CACHD1: variants seen among roughly 807,000 people sequenced by gnomAD.
The protein encoded by CACHD1 is cache domain containing 1.
Under a neutral mutation model 138.7 loss-of-function variants are expected in CACHD1, and 71 were observed. That is an observed-to-expected ratio of 0.51 (90% CI 0.42 to 0.62). CACHD1 has a LOEUF of 0.62. CACHD1 is among the 20% of genes least tolerant of loss of function. CACHD1 has a pLI of 0.00. For missense variants in CACHD1, 1,389 were observed against 1,625.3 expected, an observed-to-expected ratio of 0.85 and a Z score of 2.50; for synonymous variants, 578 against 591.5, an observed-to-expected ratio of 0.98 and a Z score of 0.33.
chr1:64,681,543 T>TTTTTTTTG (rs1553146863), intron 25 of CACHD1, among the ~76,000 whole-genome samples: 5,248 of 100,950 alleles, frequency 0.052, 326 homozygotes, highest in East Asian at 0.25. Context: ...TTTATTGTGT[T>TTTTTTTTG]TTTTTTTTTT....
At chr1:64,634,382 T>TTATG (rs1467686396) in intron 7 of CACHD1, 122 bp downstream of exon 7, 6 of 354,960 alleles carry the variant, frequency 1.7e-5, no homozygotes, top group South Asian at 8.1e-5. Flanking sequence ...ATGTATGTAT[T>TTATG]TATTTATTTA....
At chr1:64,595,428 TATAAATAA>T (rs1371299166) in intron 3 of CACHD1, among the ~76,000 whole-genome samples, 2 of 152,130 alleles carry the variant, frequency 1.3e-5, no homozygotes, top group Non-Finnish European at 2.9e-5. Flanking sequence ...GAGAAGGGTA[TATAAATAA>T]ATAACTGTAA....
At chr1:64,564,406 GC>G (rs1242936916) in intron 2 of CACHD1, among the ~76,000 whole-genome samples, 1 of 152,002 alleles carries the variant, frequency 6.6e-6, no homozygotes, top group East Asian at 1.9e-4. Context: ...GAAGCCCCAA[GC>G]CCTGATGCCT....
At chr1:64,471,286 A>C (rs1051940339) in intron 1 of CACHD1, among the ~76,000 whole-genome samples, 1 of 151,948 alleles carries the variant, frequency 6.6e-6, no homozygotes, top group Non-Finnish European at 1.5e-5. Context: ...CACATTTCCC[A>C]TGTAGGCTTG....
chr1:64,660,791 A>C (rs1434200742), intron 13 of CACHD1, among the ~76,000 whole-genome samples: 1 of 152,090 alleles, frequency 6.6e-6, no homozygotes, highest in African/African-American at 2.4e-5. Flanking sequence ...TGGCCTCCCA[A>C]AGTGCTGGGA....
At chr1:64,477,349 C>G (rs990841385) in intron 1 of CACHD1, among the ~76,000 whole-genome samples, 2 of 152,144 alleles carry the variant, frequency 1.3e-5, no homozygotes, top group African/African-American at 4.8e-5. Flanking sequence ...AGATATGGTT[C>G]ACGGACCTTT....
At chr1:64,606,270 G>C (rs964115825) in intron 4 of CACHD1, among the ~76,000 whole-genome samples, 2 of 152,178 alleles carry the variant, frequency 1.3e-5, no homozygotes, top group South Asian at 2.1e-4. Context: ...TGGCTGTCGG[G>C]GGGAGGAGCA....
intron 4 of CACHD1, among the ~76,000 whole-genome samples, 187 bp downstream of exon 4, chr1:64,603,099 C>CTTTTTTT (rs34372401): frequency 4.6e-5 from 3 of 64,898 alleles, no homozygotes; most frequent in African/African-American, 9.9e-5. Context: ...AAGCTTACAT[C>CTTTTTTT]TTTTTTTTTT....
chr1:64,474,674 C>T (rs1298111921), intron 1 of CACHD1, among the ~76,000 whole-genome samples: 1 of 152,206 alleles, frequency 6.6e-6, no homozygotes, highest in Non-Finnish European at 1.5e-5. Flanking sequence ...GATAAGATTG[C>T]ACAGGTAAAC....
At chr1:64,546,285 G>T (rs759727957) in intron 1 of CACHD1, among the ~76,000 whole-genome samples, 2 of 151,934 alleles carry the variant, frequency 1.3e-5, no homozygotes, top group African/African-American at 4.8e-5. Context: ...AGGACTGAAG[G>T]ATCAGACCTG....
chr1:64,574,176 A>G (rs1328325603), intron 2 of CACHD1, among the ~76,000 whole-genome samples: 1 of 152,184 alleles, frequency 6.6e-6, no homozygotes, highest in Non-Finnish European at 1.5e-5. Context: ...GAATTGAGCT[A>G]GAGATTAGAA....
At chr1:64,526,413 G>A (rs147145270) in intron 1 of CACHD1, among the ~76,000 whole-genome samples, 5 of 152,096 alleles carry the variant, frequency 3.3e-5, no homozygotes, top group African/African-American at 4.8e-5. Context: ...AGCCATTTGA[G>A]AAAGAGACAA....
At chr1:64,508,793 C>T (rs184189319) in intron 1 of CACHD1, among the ~76,000 whole-genome samples, 34 of 152,254 alleles carry the variant, frequency 2.2e-4, no homozygotes, top group South Asian at 4.1e-4. Context: ...GGCTTACTGC[C>T]GCAGGCTGTT....
At chr1:64,683,037 A>G (rs564740533) in intron 26 of CACHD1, among the ~76,000 whole-genome samples, 2 of 152,244 alleles carry the variant, frequency 1.3e-5, no homozygotes, top group African/African-American at 4.8e-5. Flanking sequence ...CCTGGAAAAA[A>G]AAAGTCCTCA....
intron 1 of CACHD1, among the ~76,000 whole-genome samples, chr1:64,537,185 G>T (rs1347254049): frequency 1.3e-5 from 2 of 152,040 alleles, no homozygotes; most frequent in African/African-American, 4.8e-5. Context: ...AGGTGTCTCA[G>T]ACCAGCCCTC....
intron 3 of CACHD1, among the ~76,000 whole-genome samples, chr1:64,597,521 G>GTTTTTTTTTTT (rs1647164030): frequency 1.6e-5 from 1 of 63,852 alleles, no homozygotes; most frequent in African/African-American, 6.6e-5. Flanking sequence ...TTTTTTTTTT[G>GTTTTTTTTTTT]TTGTTTTTTT....
chr1:64,536,791 C>T (rs1646635798), intron 1 of CACHD1, among the ~76,000 whole-genome samples: 2 of 152,180 alleles, frequency 1.3e-5, no homozygotes, highest in East Asian at 3.8e-4. Context: ...ATACCAGCTA[C>T]ATTTAATTGG....
chr1:64,536,130 T>C (rs1343178287), intron 1 of CACHD1, among the ~76,000 whole-genome samples: 1 of 152,226 alleles, frequency 6.6e-6, no homozygotes, highest in Non-Finnish European at 1.5e-5. Flanking sequence ...AATGATCACA[T>C]GATCTAATTT....
rs1220634365 is a variant in CACHD1, at chr1:64,673,184, A to G, written c.2537A>G (p.Tyr846Cys). Residue 846 changes from tyrosine to cysteine, a missense_variant, in exon 18 of 27, where the codon TAT becomes TGT. Physicochemically the swap from Tyr to Cys is radical, Grantham distance 194 (BLOSUM62 -2). Around this residue, in one of 5 missense-constraint regions of CACHD1, gnomAD observed 1,000 missense variants for 1,114.7 expected, o/e 0.90. Coordinates refer to ENST00000651257, the MANE Select transcript of CACHD1 (RefSeq NM_020925.4). ...IRCFIMEDRG[Y>C]LVAHPTLIDP... is the part of the protein sequence containing the mutation. ...TGCTTCATAATGGAGGACAGGGGTT[A>G]TCTGGTGGCGCACCCGACTCTCATC... is the stretch of plus-strand genomic sequence containing the variant. 6.2e-7 allele frequency: 1 copy of G among 1,613,426 alleles called. No homozygotes were observed. The highest frequency in any genetic ancestry group is 8.5e-7 in the Non-Finnish European group (1 of 1,179,972).
Sources: allele counts gnomAD v4.1 joint callset (sites outside exome capture counted in the v4.1 genomes callset), GRCh38; gene constraint gnomAD v4.1.1; regional missense constraint gnomAD v4.1.1; transcripts MANE v1.5; gene names NCBI Gene and HGNC (gene_info 2026-07-23, HGNC 2026-07-21).